Variants in MIER1 observed in about 807,000 individuals in gnomAD.
The protein encoded by MIER1 is MIER1 transcriptional regulator.
A neutral mutation model predicts 75.7 loss-of-function variants in MIER1; 40 were observed. The observed-to-expected ratio is 0.53, with a 90% CI of 0.41 to 0.69. MIER1 has a LOEUF of 0.69. MIER1 is among the 30% of genes least tolerant of loss of function. The pLI is 0.00. For missense variants in MIER1, 574 were observed against 680.2 expected (o/e 0.84, Z 1.74); for synonymous variants, 213 against 223.4 (o/e 0.95, Z 0.42).
chr1:66,986,302 G>C lies in MIER1; in HGVS notation c.*1402G>C. On this transcript the variant is annotated 3_prime_UTR_variant, in exon 14 of 14. Transcript: ENST00000401041. ...TTGTAAAAGTGCCATTTTATTTTTA[G>C]TGCTAAATTCTTGTTAAATAATGTA... 1 of 1,487,204 alleles carries C rather than the reference G, an allele frequency of 6.7e-7. No homozygotes were observed. The highest frequency in any genetic ancestry group is 2.5e-5 in the East Asian group (1 of 40,506). 92.1% of individuals were successfully genotyped at this position (1,487,204 alleles called of 1,614,324 possible). A position where few individuals can be genotyped will look rare whatever the true frequency, so the allele number is the denominator to read the frequency against.
chr1:66,978,275 C>G (rs1169259328), intron 12 of MIER1, among the ~76,000 whole-genome samples: 1 of 143,822 alleles, frequency 7.0e-6, no homozygotes, highest in Non-Finnish European at 1.6e-5. Context: ...GTTTCTTGAT[C>G]AAGTTCATTT....
intron 8 of MIER1, among the ~76,000 whole-genome samples, chr1:66,965,104 T>C (rs1156705186): frequency 1.3e-5 from 2 of 152,192 alleles, no homozygotes; most frequent in South Asian, 2.1e-4. Context: ...ATAGGAACAT[T>C]GAAGCTAGCA....
At chr1:66,934,708 A>G (rs1370165738) in intron 2 of MIER1, among the ~76,000 whole-genome samples, 2 of 151,688 alleles carry the variant, frequency 1.3e-5, no homozygotes, top group African/African-American at 2.4e-5. Flanking sequence ...ATTTTCTATG[A>G]TATCATTTTA....
Position 66,986,591 on chromosome 1 carries a change from C to A in MIER1, c.*1691C>A. 2 of 812,386 alleles carry A rather than the reference C, an allele frequency of 2.5e-6. No homozygotes were observed. The highest frequency in any genetic ancestry group is 3.4e-5 in the South Asian group (2 of 58,810). The allele number at this position is 812,386 out of a possible 1,614,324, so 50.3% of individuals were successfully genotyped here. A position where few individuals can be genotyped will look rare whatever the true frequency, so the allele number is the denominator to read the frequency against. On this transcript the variant is annotated 3_prime_UTR_variant, in exon 14 of 14. Transcript: ENST00000401041. ...TGAAGTATTACTGTTAACATATGTT[C>A]GGACTGCTTCCCTTCACCAATGTGA...
chr1:66,987,659 T>A lies in MIER1; in HGVS notation c.*2759T>A, dbSNP rs911932241. 6 of 152,684 alleles carry A rather than the reference T, an allele frequency of 3.9e-5. No homozygotes were observed. Among genetic ancestry groups the A allele is most frequent in the Admixed American group, 3.9e-4 (6 of 15,282 alleles). 9.5% of individuals were successfully genotyped at this position (152,684 alleles called of 1,614,324 possible). On this transcript the variant is annotated 3_prime_UTR_variant, in exon 14 of 14. Transcript: ENST00000401041. ...GAATATGCTTATTAAAATATTTTTT[T>A]AAACATATTTGCCTACATAATACTG...
Position 66,987,352 on chromosome 1 carries a change from A to G in MIER1, c.*2452A>G, listed in dbSNP as rs7516251. The G allele has an allele frequency of 0.92, 141,061 of 152,688 alleles. 65,240 individuals are homozygous for G. The highest frequency in any genetic ancestry group is 1 in the East Asian group (5,300 of 5,322). The allele number at this position is 152,688 out of a possible 1,614,324, so 9.5% of individuals were successfully genotyped here. On this transcript the variant is annotated 3_prime_UTR_variant, in exon 14 of 14. Transcript: ENST00000401041. Reference sequence around the variant, plus strand: ...TTGAACTTTTGACAAATTGCATTGGAAAAAGAAGTCTGTTAATAGTGATTT... The same window carrying G: ...TTGAACTTTTGACAAATTGCATTGGGAAAAGAAGTCTGTTAATAGTGATTT...
chr1:66,951,140 T>C (rs951414389), intron 4 of MIER1, among the ~76,000 whole-genome samples: 4 of 152,236 alleles, frequency 2.6e-5, no homozygotes, highest in Non-Finnish European at 5.9e-5. Flanking sequence ...CCCTATTGTC[T>C]TGAAATTAGG....
intron 11 of MIER1, among the ~76,000 whole-genome samples, chr1:66,975,458 G>A (rs1018531172): frequency 2.2e-4 from 34 of 151,916 alleles, no homozygotes; most frequent in African/African-American, 8.0e-4. Flanking sequence ...GCCTGGGAGG[G>A]CAAGGCTGCA....
intron 2 of MIER1, chr1:66,930,135 C>CCG (rs965477371): frequency 1.7e-5 from 18 of 1,074,390 alleles, no homozygotes; most frequent in African/African-American, 6.6e-5. Flanking sequence ...GGCCGCGGGG[C>CCG]CGCGCGCGCG....
chr1:66,980,265 C>G (rs543085865), intron 12 of MIER1, among the ~76,000 whole-genome samples: 32 of 152,270 alleles, frequency 2.1e-4, no homozygotes, highest in Non-Finnish European at 4.0e-4. Context: ...AAGAAGTCTT[C>G]AAGACCATCT....
At chr1:66,926,049 C>T in intron 1 of MIER1, 93 bp from the exon 2 acceptor site, 2 of 965,726 alleles carry the variant, frequency 2.1e-6, no homozygotes, top group Non-Finnish European at 1.6e-6. Flanking sequence ...TGATTCCCGA[C>T]CATCTTTTTA....
At chr1:66,934,104 A>T (rs950813254) in intron 2 of MIER1, among the ~76,000 whole-genome samples, 2 of 152,190 alleles carry the variant, frequency 1.3e-5, no homozygotes, top group African/African-American at 4.8e-5. Context: ...CACCCCAAAA[A>T]ATTGTTTTTG....
At chr1:66,959,213 T>A (rs894199386) in intron 6 of MIER1, among the ~76,000 whole-genome samples, 1 of 152,156 alleles carries the variant, frequency 6.6e-6, no homozygotes, top group African/African-American at 2.4e-5. Flanking sequence ...ATTTGTTTTT[T>A]CTTTGCCCTG....
intron 3 of MIER1, among the ~76,000 whole-genome samples, chr1:66,942,877 A>G (rs924241202): frequency 3.3e-5 from 5 of 151,870 alleles, no homozygotes; most frequent in Admixed American, 2.6e-4. Context: ...TTTGCAAATA[A>G]CAAAAAATGG....
intron 2 of MIER1, among the ~76,000 whole-genome samples, chr1:66,927,236 A>G (rs1652043166): frequency 6.6e-6 from 1 of 152,132 alleles, no homozygotes. Context: ...AATTAATGTT[A>G]CTTTGCCTGA....
At chr1:66,977,800 A>T (rs1389596316) in intron 12 of MIER1, among the ~76,000 whole-genome samples, 1 of 152,184 alleles carries the variant, frequency 6.6e-6, no homozygotes, top group South Asian at 2.1e-4. Context: ...ATGTTTACAG[A>T]ATAAAAAAAT....
intron 2 of MIER1, chr1:66,930,262 G>C: frequency 6.5e-7 from 1 of 1,528,300 alleles, no homozygotes; most frequent in Non-Finnish European, 8.8e-7. Flanking sequence ...GCGCGTTCCC[G>C]CCGAGGCAGT....
rs12132068 is a variant in MIER1, at chr1:66,986,241, G to T, written c.*1341G>T. ...TAAGATACACAATAATCATTGCTCT[G>T]TGTGATTACAGATAGGATTATCCAT... On this transcript the variant is annotated 3_prime_UTR_variant, in exon 14 of 14. Coordinates refer to ENST00000401041, the MANE Select transcript of MIER1 (RefSeq NM_001077700.3). The T allele has an allele frequency of 0.24, 320,006 of 1,340,360 alleles. 40,062 individuals carry two copies. Among genetic ancestry groups the T allele is most frequent in the Non-Finnish European group, 0.26 (268,459 of 1,047,074 alleles). The allele number at this position is 1,340,360 out of a possible 1,614,324, so 83.0% of individuals were successfully genotyped here.
At chr1:66,960,905 C>T (rs916399979) in intron 7 of MIER1, among the ~76,000 whole-genome samples, 6 of 152,070 alleles carry the variant, frequency 3.9e-5, no homozygotes, top group African/African-American at 1.4e-4. Context: ...TTATAAATTG[C>T]TGTCCCACTT....
Sources: allele counts gnomAD v4.1 joint callset (sites outside exome capture counted in the v4.1 genomes callset), GRCh38; gene constraint gnomAD v4.1.1; transcripts MANE v1.5; gene names NCBI Gene and HGNC (gene_info 2026-07-23, HGNC 2026-07-21).